Variants in GRM7 observed in about 807,000 individuals in gnomAD.
GRM7 encodes the protein glutamate metabotropic receptor 7.
A neutral mutation model predicts 84.5 loss-of-function variants in GRM7; 35 were observed. That is an observed-to-expected ratio of 0.41 (90% CI 0.32 to 0.55). GRM7 has a LOEUF of 0.55. Ranked by LOEUF, GRM7 falls within the 20% of genes least tolerant of loss-of-function variation. The probability of loss-of-function intolerance (pLI) is 0.19; values close to 1 mark genes in which losing one functional copy is unlikely to be tolerated. For missense variants in GRM7, 1,003 were observed against 1,194.6 expected (o/e 0.84, Z 2.36); for synonymous variants, 487 against 455.1 (o/e 1.07, Z -0.89).
chr3:7,064,092 ATG>A (rs1697532452), intron 1 of GRM7, among the ~76,000 whole-genome samples: 1 of 151,078 alleles, frequency 6.6e-6, no homozygotes, highest in African/African-American at 2.4e-5. Context: ...ATTTTATTTT[ATG>A]TATTCTTTTC....
chr3:7,686,415 A>T, intron 9 of GRM7: 1 of 1,551,230 alleles, frequency 6.4e-7, no homozygotes, highest in Non-Finnish European at 8.9e-7. Flanking sequence ...ACACTATCCC[A>T]CCAACAGTAT....
chr3:7,550,523 T>C (rs1241872892), intron 7 of GRM7, among the ~76,000 whole-genome samples: 1 of 146,748 alleles, frequency 6.8e-6, no homozygotes, highest in Non-Finnish European at 1.5e-5. Flanking sequence ...ATTCTTCTTC[T>C]TCCTTTTTTT....
intron 9 of GRM7, among the ~76,000 whole-genome samples, chr3:7,726,036 C>T (rs1211797262): frequency 6.6e-6 from 1 of 152,034 alleles, no homozygotes. Flanking sequence ...GAAGACTAGA[C>T]AAAATTCTTA....
At chr3:7,347,468 C>T (rs959684211) in intron 4 of GRM7, among the ~76,000 whole-genome samples, 1 of 152,136 alleles carries the variant, frequency 6.6e-6, no homozygotes, top group East Asian at 1.9e-4. Flanking sequence ...AACTAGAAAA[C>T]TCTATTTTGA....
At chr3:6,983,480 T>C (rs1483899053) in intron 1 of GRM7, among the ~76,000 whole-genome samples, 1 of 152,154 alleles carries the variant, frequency 6.6e-6, no homozygotes, top group Admixed American at 6.5e-5. Context: ...TTAATTGATT[T>C]TTTTTAAGGG....
intron 1 of GRM7, among the ~76,000 whole-genome samples, chr3:7,123,681 C>T (rs1445569188): frequency 6.6e-6 from 1 of 152,108 alleles, no homozygotes; most frequent in African/African-American, 2.4e-5. Flanking sequence ...AGATTACCTT[C>T]CTCACTCACT....
intron 1 of GRM7, among the ~76,000 whole-genome samples, chr3:7,055,223 T>G (rs1484102288): frequency 6.7e-6 from 1 of 149,764 alleles, no homozygotes; most frequent in East Asian, 1.9e-4. Context: ...CTCTTTTTAT[T>G]ATTTATTTTA....
intron 1 of GRM7, among the ~76,000 whole-genome samples, chr3:7,051,844 C>G (rs911727023): frequency 1.5e-4 from 23 of 151,782 alleles, no homozygotes; most frequent in African/African-American, 5.5e-4. Context: ...GAGAAGCTGA[C>G]CTGGTAGATC....
At chr3:6,961,916 A>T (rs1424182316) in intron 1 of GRM7, among the ~76,000 whole-genome samples, 1 of 152,186 alleles carries the variant, frequency 6.6e-6, no homozygotes, top group East Asian at 1.9e-4. Context: ...ATCTAAAAAA[A>T]AATAAAATAA....
intron 8 of GRM7, among the ~76,000 whole-genome samples, chr3:7,672,099 AT>A (rs150207787): frequency 0.02 from 2,945 of 149,664 alleles, 88 homozygotes; most frequent in African/African-American, 0.064. Context: ...GGGAAACAGT[AT>A]TTTTTTTTTC....
chr3:6,983,656 T>G (rs934131404), intron 1 of GRM7, among the ~76,000 whole-genome samples: 1 of 152,168 alleles, frequency 6.6e-6, no homozygotes, highest in Non-Finnish European at 1.5e-5. Context: ...TTATGAGATA[T>G]TTTTGTTTTC....
rs373275605 is a variant in GRM7 at position 7,447,252 on chromosome 3, G to A, written c.1175-5355G>A. ...ATTAAATCACAGAGATCAAAAGAAC[G>A]TCCTGTTAATGAAGAATTAATTGAA... is the stretch of plus-strand genomic sequence containing the variant. On this transcript the variant is annotated intron_variant, in intron 5 of 9. Transcript: ENST00000357716. 3.9e-5 allele frequency among the ~76,000 whole-genome samples: 6 copies of A among 152,128 alleles called. No homozygotes were observed. In the East Asian group the frequency reaches 7.7e-4, roughly 20 times the overall value.
chr3:7,020,679 A>G (rs989385807), intron 1 of GRM7, among the ~76,000 whole-genome samples: 15 of 152,258 alleles, frequency 9.9e-5, no homozygotes, highest in African/African-American at 3.6e-4. Context: ...TAGGGTGACT[A>G]CAACACTATA....
intron 8 of GRM7, among the ~76,000 whole-genome samples, chr3:7,618,933 A>C (rs2125086412): frequency 6.6e-6 from 1 of 152,282 alleles, no homozygotes; most frequent in Middle Eastern, 3.4e-3. Context: ...GCTTTGTAAA[A>C]GTGCCTATCA....
intron 8 of GRM7, among the ~76,000 whole-genome samples, chr3:7,667,211 TG>T (rs1394219144): frequency 2.7e-5 from 4 of 150,412 alleles, no homozygotes; most frequent in Non-Finnish European, 5.9e-5. Flanking sequence ...AAGACTGAAG[TG>T]ATCTATGATC....
intron 5 of GRM7, among the ~76,000 whole-genome samples, chr3:7,418,573 T>C (rs1696267015): frequency 6.6e-6 from 1 of 152,158 alleles, no homozygotes; most frequent in Non-Finnish European, 1.5e-5. Flanking sequence ...TGTATTTATG[T>C]TCCCCTACCC....
At chr3:7,376,222 C>A (rs550990496) in intron 4 of GRM7, among the ~76,000 whole-genome samples, 29 of 152,278 alleles carry the variant, frequency 1.9e-4, no homozygotes, top group African/African-American at 7.0e-4. Context: ...TGTTTCTCAC[C>A]ATGTGGGCCA....
chr3:7,589,168 T>C (rs1440387849), intron 8 of GRM7, among the ~76,000 whole-genome samples: 1 of 152,238 alleles, frequency 6.6e-6, no homozygotes, highest in Non-Finnish European at 1.5e-5. Flanking sequence ...TTACACCAAA[T>C]GCCAGATGAA....
At chr3:7,540,019 G>T (rs991642881) in intron 7 of GRM7, among the ~76,000 whole-genome samples, 2 of 152,048 alleles carry the variant, frequency 1.3e-5, no homozygotes, top group African/African-American at 2.4e-5. Flanking sequence ...TTGCAAAATA[G>T]ATTTTATTAT....
Sources: gnomAD v4.1 joint callset for allele counts (sites outside exome capture counted in the v4.1 genomes callset) on GRCh38, gnomAD v4.1.1 for gene constraint, MANE v1.5 for transcripts, NCBI Gene and HGNC (gene_info 2026-07-23, HGNC 2026-07-21) for gene names.